SLC24A2: variants seen among roughly 807,000 people sequenced by gnomAD.
SLC24A2 encodes solute carrier family 24 member 2.
SLC24A2 carries 36 observed loss-of-function variants against 62.0 expected under a neutral mutation model. The ratio of observed to expected loss-of-function variants is 0.58; its 90% CI spans 0.44 to 0.77. SLC24A2 has a LOEUF of 0.77. Among genes scored for constraint, SLC24A2 ranks in the 30% least tolerant of loss-of-function variants. The pLI is 0.00. For missense variants in SLC24A2, 846 were observed against 817.9 expected (o/e 1.03, Z -0.42); for synonymous variants, 358 against 294.0 (o/e 1.22, Z -2.23).
the SLC24A2 span, among the ~76,000 whole-genome samples, chr9:20,036,878 G>C: frequency 6.7e-6 from 1 of 148,870 alleles, no homozygotes; most frequent in Non-Finnish European, 1.5e-5. Context: ...GTATATATGT[G>C]TGTGTGTGTG....
chr9:19,678,388 T>C (rs1382227543), intron 2 of SLC24A2, among the ~76,000 whole-genome samples: 1 of 152,212 alleles, frequency 6.6e-6, no homozygotes, highest in South Asian at 2.1e-4. Flanking sequence ...CATGCATCTG[T>C]AGACTTCAAG....
chr9:19,789,703 G>T (rs906839595), upstream of SLC24A2, among the ~76,000 whole-genome samples: 1 of 152,220 alleles, frequency 6.6e-6, no homozygotes, highest in Non-Finnish European at 1.5e-5. Context: ...AATCAGGCTT[G>T]TTGGGGATGA....
the SLC24A2 span, among the ~76,000 whole-genome samples, chr9:20,301,593 T>C: frequency 6.6e-6 from 1 of 152,126 alleles, no homozygotes; most frequent in Non-Finnish European, 1.5e-5. Context: ...TTTTTTTTTT[T>C]TCAAGCAGTT....
chr9:20,299,354 A>T, the SLC24A2 span, among the ~76,000 whole-genome samples: 1 of 152,202 alleles, frequency 6.6e-6, no homozygotes, highest in Non-Finnish European at 1.5e-5. Context: ...AGCAGGTGGG[A>T]ATACACTAAG....
At chr9:20,074,826 G>A in the SLC24A2 span, among the ~76,000 whole-genome samples, 2 of 152,156 alleles carry the variant, frequency 1.3e-5, no homozygotes, top group East Asian at 3.9e-4. Context: ...TATAAATAAT[G>A]CTTCTATTTT....
Position 19,738,414 on chromosome 9 carries a change from C to T in SLC24A2, c.930+47523G>A, listed in dbSNP as rs933050412. Reference sequence around the variant, plus strand: ...AACAGATCCCGAGAGAGAGAGAACGCATGCATTCTTTAATAAATGTATTGT... The same window carrying T: ...AACAGATCCCGAGAGAGAGAGAACGTATGCATTCTTTAATAAATGTATTGT... On this transcript the variant is annotated intron_variant, in intron 2 of 10. Coordinates refer to ENST00000341998, the MANE Select transcript of SLC24A2 (RefSeq NM_020344.4). Among the ~76,000 whole-genome samples, 3 of 152,116 alleles carry T rather than the reference C, an allele frequency of 2.0e-5. No homozygotes were observed. In the East Asian group the frequency reaches 5.8e-4, roughly 29 times the overall value.
At chr9:19,723,245 T>C (rs1490646175) in intron 2 of SLC24A2, among the ~76,000 whole-genome samples, 1 of 152,186 alleles carries the variant, frequency 6.6e-6, no homozygotes, top group Non-Finnish European at 1.5e-5. Flanking sequence ...TTATTTTAGG[T>C]AGTGCTTTAT....
the SLC24A2 span, among the ~76,000 whole-genome samples, chr9:19,935,043 T>G: frequency 6.6e-6 from 1 of 151,480 alleles, no homozygotes; most frequent in Non-Finnish European, 1.5e-5. Context: ...TTTTATTTAT[T>G]TATTTTATTT....
the SLC24A2 span, among the ~76,000 whole-genome samples, chr9:20,197,390 A>T: frequency 6.9e-6 from 1 of 145,328 alleles, no homozygotes; most frequent in Non-Finnish European, 1.5e-5. Context: ...AGCCCATTTA[A>T]TTCTGCTAAT....
At chr9:20,098,944 A>G in the SLC24A2 span, among the ~76,000 whole-genome samples, 4 of 152,182 alleles carry the variant, frequency 2.6e-5, no homozygotes, top group African/African-American at 9.7e-5. Context: ...CAAAGTATTG[A>G]TTTAGGATAT....
the SLC24A2 span, among the ~76,000 whole-genome samples, chr9:19,825,319 G>C: frequency 2.0e-5 from 3 of 152,166 alleles, no homozygotes; most frequent in African/African-American, 7.2e-5. Flanking sequence ...TTTGCCTGGA[G>C]TAATTCTATA....
chr9:20,236,105 G>A, the SLC24A2 span, among the ~76,000 whole-genome samples: 2 of 152,204 alleles, frequency 1.3e-5, no homozygotes, highest in Non-Finnish European at 2.9e-5. Flanking sequence ...GAGATAGGCG[G>A]TGAATTTTTA....
the SLC24A2 span, among the ~76,000 whole-genome samples, chr9:19,985,357 G>C: frequency 6.6e-6 from 1 of 152,074 alleles, no homozygotes; most frequent in Non-Finnish European, 1.5e-5. Context: ...CAAGGGATTG[G>C]ATAAACAAAT....
At chr9:20,191,901 A>G in the SLC24A2 span, among the ~76,000 whole-genome samples, 13 of 152,168 alleles carry the variant, frequency 8.5e-5, no homozygotes, top group African/African-American at 3.1e-4. Flanking sequence ...GTTTATGAAC[A>G]GTTCAAACAT....
intron 9 of SLC24A2, among the ~76,000 whole-genome samples, chr9:19,523,118 A>G (rs1033790207): frequency 7.2e-5 from 11 of 152,236 alleles, no homozygotes; most frequent in African/African-American, 2.7e-4. Context: ...GACATTTGAG[A>G]CCAGACTGGG....
At chr9:19,674,089 C>G (rs2118340184) in intron 2 of SLC24A2, among the ~76,000 whole-genome samples, 1 of 152,208 alleles carries the variant, frequency 6.6e-6, no homozygotes, top group African/African-American at 2.4e-5. Flanking sequence ...GCTCTCTCAG[C>G]ATTTGTCTGA....
intron 2 of SLC24A2, among the ~76,000 whole-genome samples, chr9:19,733,665 G>T (rs1268236200): frequency 6.6e-6 from 1 of 152,178 alleles, no homozygotes; most frequent in Non-Finnish European, 1.5e-5. Flanking sequence ...AAGTTTTCTT[G>T]TTATAAAAAT....
the SLC24A2 span, among the ~76,000 whole-genome samples, chr9:19,921,569 G>A: frequency 6.6e-6 from 1 of 150,486 alleles, no homozygotes; most frequent in East Asian, 1.9e-4. Context: ...TGTGCAATAT[G>A]CAATATTGAA....
the SLC24A2 span, among the ~76,000 whole-genome samples, chr9:20,230,494 C>G: frequency 3.0e-4 from 46 of 152,168 alleles, no homozygotes; most frequent in South Asian, 1.9e-3. Flanking sequence ...GTGATGATGA[C>G]CATTTTTTCA....
Sources: allele counts gnomAD v4.1 joint callset (sites outside exome capture counted in the v4.1 genomes callset), GRCh38; gene constraint gnomAD v4.1.1; transcripts MANE v1.5; gene names NCBI Gene and HGNC (gene_info 2026-07-23, HGNC 2026-07-21).